Variants in ASPSCR1 observed in about 807,000 individuals in gnomAD.
ASPSCR1 encodes tether containing UBX domain for GLUT4.
A neutral mutation model predicts 68.9 loss-of-function variants in ASPSCR1; 55 were observed. That is an observed-to-expected ratio of 0.80 (90% CI 0.64 to 1.00). ASPSCR1 has a LOEUF of 1.00. Ranked by LOEUF, ASPSCR1 falls within the 50% of genes least tolerant of loss-of-function variation. ASPSCR1 has a pLI of 0.00. For synonymous variants in ASPSCR1, 352 were observed against 332.6 expected (o/e 1.06, Z -0.63); for missense variants, 765 against 762.2 (o/e 1.00, Z -0.04).
chr17:81,994,319 T>G (rs1228879434), intron 4 of ASPSCR1, among the ~76,000 whole-genome samples: 1 of 152,156 alleles, frequency 6.6e-6, no homozygotes, highest in Non-Finnish European at 1.5e-5. Context: ...CGCCCCTCCC[T>G]CCATGCTTCG....
In ASPSCR1 at chr17:81,977,675, C is replaced by A; in HGVS notation, c.29C>A (p.Ser10Tyr). 7.1e-7 allele frequency: 1 copy of A among 1,399,446 alleles called. No individual in the cohort carries two copies. The highest frequency in any genetic ancestry group is 9.3e-7 in the Non-Finnish European group (1 of 1,072,334). The allele number at this position is 1,399,446 out of a possible 1,614,324, so 86.7% of individuals were successfully genotyped here. Residue 10 changes from serine (S) to tyrosine (Y), a missense_variant, in exon 1 of 16, where the codon TCC (serine) becomes TAC (tyrosine). Transcript: ENST00000306739. This position sits in a 1 kb window ranked among gnomAD's most constrained non-coding sequence, Gnocchi z 5.0. ...GCGGCCCCGGCAGGCGGCGGAGGCT[C>A]CGCGGTGTCGGTGCTGGCCCCGAAC... MAAPAGGGG[S>Y]AVSVLAPNGR...
At chr17:82,008,857 C>T (rs1470737598) in intron 7 of ASPSCR1, 180 bp from the exon 8 acceptor site, 14 of 822,058 alleles carry the variant, frequency 1.7e-5, no homozygotes, top group Non-Finnish European at 2.5e-5. Context: ...TGGGGTCCCC[C>T]AGCTGCTGTG....
At chr17:81,984,309 A>C (rs952609845) in intron 3 of ASPSCR1, among the ~76,000 whole-genome samples, 18 of 152,074 alleles carry the variant, frequency 1.2e-4, no homozygotes, top group Admixed American at 2.0e-4. Context: ...TGGATGCCGC[A>C]AGGGCAGCCT....
In ASPSCR1 at chr17:81,990,431, A is replaced by G. The variant is rs957294047; in HGVS notation, c.375-4390A>G. ...TTCTGCCCAGCACAGAGGGGTGTGA[A>G]CAGCCACGCCGAGCTCTGGGGGACA... On this transcript the variant is annotated intron_variant, in intron 4 of 15. Transcript: ENST00000306739. This position sits in a 1 kb window ranked among gnomAD's most constrained non-coding sequence, Gnocchi z 4.1. Among the ~76,000 whole-genome samples, 6 of 152,050 alleles carry G rather than the reference A, an allele frequency of 3.9e-5. No individual in the cohort carries two copies. Among genetic ancestry groups the G allele is most frequent in the African/African-American group, 1.5e-4 (6 of 41,366 alleles).
chr17:82,016,670 C>T (rs930091188), intron 13 of ASPSCR1, 130 bp from the exon 14 acceptor site: 17 of 1,438,850 alleles, frequency 1.2e-5, no homozygotes, highest in Middle Eastern at 2.2e-4. Context: ...ACCACCTCCC[C>T]GAGAGAGGAC....
chr17:82,017,362 ACC>A lies in ASPSCR1; in HGVS notation c.*41_*42del. On this transcript the variant is annotated 3_prime_UTR_variant, in exon 16 of 16. Coordinates refer to ENST00000306739, the MANE Select transcript of ASPSCR1 (RefSeq NM_024083.4). The stretch of plus-strand genomic sequence containing the variant: ...AGGTGCCCACTCCGCCAGCCACAGG[ACC>A]ACCTCCTCTGCCAGCAGGAATAAAG... 6.2e-7 allele frequency: 1 copy of A among 1,612,142 alleles called. No homozygotes were observed. The highest frequency in any genetic ancestry group is 8.5e-7 in the Non-Finnish European group (1 of 1,179,764).
intron 4 of ASPSCR1, among the ~76,000 whole-genome samples, chr17:81,993,816 T>C (rs2042250963): frequency 6.6e-6 from 1 of 152,220 alleles, no homozygotes; most frequent in African/African-American, 2.4e-5. Context: ...TGTCTTCCTG[T>C]CCCACCTGAG....
intron 6 of ASPSCR1, 108 bp downstream of exon 6, chr17:81,996,173 G>A: frequency 7.3e-7 from 1 of 1,368,012 alleles, no homozygotes; most frequent in Non-Finnish European, 9.7e-7. Context: ...GTGTACCCAG[G>A]CCCTCATCAT....
At position 81,985,048 on chromosome 17, in the gene ASPSCR1, C is replaced by A. The variant is rs372171143; in HGVS notation, c.274-459C>A. Among the ~76,000 whole-genome samples the A allele has an allele frequency of 1.2e-3, 164 of 135,008 alleles. 2 individuals are homozygous for A. The South Asian group carries it at 0.021, about 18-fold the overall frequency. 88.6% of individuals were successfully genotyped at this position (135,008 alleles called of 152,430 possible). A position where few individuals can be genotyped will look rare whatever the true frequency, so the allele number is the denominator to read the frequency against. On this transcript the variant is annotated intron_variant, in intron 3 of 15. Transcript: ENST00000306739. ...ACACCAACATGCACACACCTCCCCCCCACACACACCCACGCACACACCTGT... is the reference window on the plus strand; with the variant it reads ...ACACCAACATGCACACACCTCCCCCACACACACACCCACGCACACACCTGT...
rs549838464 is a variant in ASPSCR1 at position 81,980,812 on chromosome 17, A to G, written c.158+1573A>G. On this transcript the variant is annotated intron_variant, in intron 2 of 15. Transcript: ENST00000306739. ...AGCTTCCTGCCTCTTCACGGGTCCTATGTGCAAAAAATGGCAGTGCCAGCA... is the reference window on the plus strand; with the variant it reads ...AGCTTCCTGCCTCTTCACGGGTCCTGTGTGCAAAAAATGGCAGTGCCAGCA... 1.4e-4 allele frequency among the ~76,000 whole-genome samples: 22 copies of G among 152,268 alleles called. No individual in the cohort carries two copies. The East Asian group carries it at 4.2e-3, about 29-fold the overall frequency.
intron 6 of ASPSCR1, 91 bp downstream of exon 6, chr17:81,996,156 G>T: frequency 7.0e-7 from 1 of 1,419,990 alleles, no homozygotes; most frequent in Non-Finnish European, 9.4e-7. Flanking sequence ...TGGCAAGTGG[G>T]GAGTAGGTGT....
chr17:82,016,693 C>T (rs2043138930), intron 13 of ASPSCR1, 107 bp from the exon 14 acceptor site: 2 of 1,461,738 alleles, frequency 1.4e-6, no homozygotes, highest in South Asian at 2.4e-5. Flanking sequence ...GGACAGCCAC[C>T]TGCTGGCCAC....
In ASPSCR1 at chr17:81,986,553, C is replaced by T. The variant is rs553373153; in HGVS notation, c.374+946C>T. Among the ~76,000 whole-genome samples, 32 of 152,356 alleles carry T rather than the reference C, an allele frequency of 2.1e-4. No homozygotes were observed. In the South Asian group the frequency reaches 5.6e-3, roughly 27 times the overall value. On this transcript the variant is annotated intron_variant, in intron 4 of 15. Transcript: ENST00000306739. This position sits in a 1 kb window ranked among gnomAD's most constrained non-coding sequence, Gnocchi z 5.2. ...TCAATTTGGGTCTTTTCATCGTTGG[C>T]TGGAAGTCTCTGTCCACAGTAAAAG... is the stretch of plus-strand genomic sequence containing the variant.
At chr17:81,995,912 T>C (rs948353439) in intron 5 of ASPSCR1, 80 bp from the exon 6 acceptor site, 4 of 1,407,518 alleles carry the variant, frequency 2.8e-6, no homozygotes, top group Non-Finnish European at 3.9e-6. Context: ...GTGGTCCTGG[T>C]GGTGCCGGTG....
intron 2 of ASPSCR1, among the ~76,000 whole-genome samples, chr17:81,979,741 A>G (rs1212174517): frequency 2.0e-5 from 3 of 152,120 alleles, no homozygotes; most frequent in East Asian, 3.9e-4. Flanking sequence ...CTGAGGGGAA[A>G]GAGCTGGCCG....
At chr17:81,989,828 C>T (rs1478103751) in intron 4 of ASPSCR1, among the ~76,000 whole-genome samples, 3 of 152,214 alleles carry the variant, frequency 2.0e-5, no homozygotes, top group African/African-American at 7.2e-5. Flanking sequence ...TTTTCTTTCA[C>T]CCAGGCTGGA....
chr17:81,985,350 A>C (rs1159228332), intron 3 of ASPSCR1, among the ~76,000 whole-genome samples, 157 bp from the exon 4 acceptor site: 2 of 152,176 alleles, frequency 1.3e-5, no homozygotes, highest in Non-Finnish European at 2.9e-5. Context: ...CTCACTCCAG[A>C]GTGAATAGGA....
chr17:81,988,467 A>C (rs1001443563), intron 4 of ASPSCR1, among the ~76,000 whole-genome samples: 12 of 151,750 alleles, frequency 7.9e-5, no homozygotes, highest in African/African-American at 2.9e-4. Context: ...AAAAAAAAAA[A>C]AAAACAAGAG....
At chr17:82,016,910 C>T in intron 14 of ASPSCR1, 31 bp from the exon 15 acceptor site, 1 of 1,612,050 alleles carries the variant, frequency 6.2e-7, no homozygotes, top group Non-Finnish European at 8.5e-7. Flanking sequence ...CGTGGCGGCA[C>T]TCACCACTCT....
Sources: gnomAD v4.1 joint callset for allele counts (sites outside exome capture counted in the v4.1 genomes callset) on GRCh38, gnomAD v4.1.1 for gene constraint, Gnocchi (gnomAD v3.1) non-coding constraint, MANE v1.5 for transcripts, NCBI Gene and HGNC (gene_info 2026-07-23, HGNC 2026-07-21) for gene names.